EXT1: variants seen among roughly 807,000 people sequenced by gnomAD.
EXT1 encodes exostosin-1.
A neutral mutation model predicts 82.5 loss-of-function variants in EXT1; 20 were observed. That is an observed-to-expected ratio of 0.24 (90% confidence interval 0.17 to 0.35). EXT1 has a LOEUF of 0.35. EXT1 is among the 10% of genes least tolerant of loss of function. The probability of loss-of-function intolerance (pLI) is 1.00; values close to 1 mark genes in which losing one functional copy is unlikely to be tolerated. For missense variants in EXT1, 757 were observed against 936.5 expected, an observed-to-expected ratio of 0.81 and a Z score of 2.50; for synonymous variants, 348 against 350.8, an observed-to-expected ratio of 0.99 and a Z score of 0.09.
chr8:118,053,052 T>C (rs139385511), intron 1 of EXT1, among the ~76,000 whole-genome samples: 58 of 152,318 alleles, frequency 3.8e-4, no homozygotes, highest in African/African-American at 1.1e-3. Context: ...CTCACCATCA[T>C]CAGAGTGGTG....
chr8:118,066,285 A>G (rs1816984744), intron 1 of EXT1, among the ~76,000 whole-genome samples: 2 of 150,982 alleles, frequency 1.3e-5, no homozygotes, highest in Non-Finnish European at 3.0e-5. Context: ...TAGTAAATAT[A>G]TTTTCTCTTC....
At chr8:118,097,885 G>A (rs966715819) in intron 1 of EXT1, among the ~76,000 whole-genome samples, 4 of 152,154 alleles carry the variant, frequency 2.6e-5, no homozygotes, top group Non-Finnish European at 5.9e-5. Context: ...GGTGTTAAAT[G>A]TTCTATATGA....
At chr8:117,837,279 T>C (rs1017638635) in intron 1 of EXT1, 78 bp from the exon 2 acceptor site, 21 of 1,200,736 alleles carry the variant, frequency 1.7e-5, no homozygotes, top group Non-Finnish European at 2.5e-5. Context: ...TGGGCGCCCA[T>C]GTGCATGAAT....
chr8:117,798,755 A>G lies in EXT1; in HGVS notation c.*957T>C, dbSNP rs934177154. The G allele has an allele frequency of 6.6e-6, 1 of 152,220 alleles. No individual in the cohort carries two copies. The highest frequency in any genetic ancestry group is 1.5e-5 in the Non-Finnish European group (1 of 68,044). The allele number at this position is 152,220 out of a possible 1,614,324, so 9.4% of individuals were successfully genotyped here. A position where few individuals can be genotyped will look rare whatever the true frequency, so the allele number is the denominator to read the frequency against. ...AACTTGAGATTCTCACAAACATTAA[A>G]GAGTTCATCTTGTAAATAATCTGTT... On this transcript the variant is annotated 3_prime_UTR_variant, in exon 11 of 11. Transcript: ENST00000378204.
At chr8:117,968,142 G>A (rs757187307) in intron 1 of EXT1, among the ~76,000 whole-genome samples, 24 of 151,974 alleles carry the variant, frequency 1.6e-4, no homozygotes, top group Admixed American at 2.6e-4. Flanking sequence ...GACAGGGTCT[G>A]TCACTCAGAC....
intron 1 of EXT1, among the ~76,000 whole-genome samples, chr8:118,081,344 CT>C (rs1308510112): frequency 1.3e-5 from 2 of 152,172 alleles, no homozygotes; most frequent in Admixed American, 6.5e-5. Context: ...ATTCTGCATA[CT>C]TTTGCAATAA....
intron 1 of EXT1, among the ~76,000 whole-genome samples, chr8:118,072,491 G>A (rs919335264): frequency 6.6e-6 from 1 of 152,176 alleles, no homozygotes; most frequent in Non-Finnish European, 1.5e-5. Flanking sequence ...TACCCTAAGG[G>A]GGGAGACCCT....
At chr8:117,882,980 GAA>G (rs1320976687) in intron 1 of EXT1, among the ~76,000 whole-genome samples, 2 of 65,882 alleles carry the variant, frequency 3.0e-5, no homozygotes, top group African/African-American at 4.8e-5. Flanking sequence ...CTGTCTCAAA[GAA>G]AAAAAAAAAA....
chr8:118,035,480 T>C (rs1208213906), intron 1 of EXT1, among the ~76,000 whole-genome samples: 1 of 152,172 alleles, frequency 6.6e-6, no homozygotes, highest in African/African-American at 2.4e-5. Context: ...TGTCATTTCT[T>C]TCTAATGTAT....
intron 1 of EXT1, among the ~76,000 whole-genome samples, chr8:117,843,485 G>T (rs1812304778): frequency 6.6e-6 from 1 of 152,162 alleles, no homozygotes; most frequent in African/African-American, 2.4e-5. Flanking sequence ...GTAAGAGGAG[G>T]TGATGGGAAT....
intron 1 of EXT1, among the ~76,000 whole-genome samples, chr8:118,070,877 T>C (rs909026243): frequency 6.6e-6 from 1 of 152,174 alleles, no homozygotes; most frequent in Non-Finnish European, 1.5e-5. Flanking sequence ...GAAAAAAGAC[T>C]ACATAAAATA....
intron 1 of EXT1, among the ~76,000 whole-genome samples, chr8:117,935,562 T>A (rs947309336): frequency 6.6e-6 from 1 of 152,026 alleles, no homozygotes; most frequent in Non-Finnish European, 1.5e-5. Flanking sequence ...GATCTCCCTA[T>A]GTTGCCCAGG....
intron 7 of EXT1, among the ~76,000 whole-genome samples, chr8:117,813,733 T>G (rs530813330): frequency 2.6e-4 from 40 of 152,186 alleles, no homozygotes; most frequent in African/African-American, 9.4e-4. Flanking sequence ...AGGCCAGGCG[T>G]GGTGGCTCAT....
At chr8:117,844,489 C>A (rs983394229) in intron 1 of EXT1, among the ~76,000 whole-genome samples, 2 of 152,106 alleles carry the variant, frequency 1.3e-5, no homozygotes. Flanking sequence ...CTGAAGTTTA[C>A]AGCATGCAGT....
At chr8:117,988,143 C>T (rs1815358678) in intron 1 of EXT1, among the ~76,000 whole-genome samples, 1 of 152,190 alleles carries the variant, frequency 6.6e-6, no homozygotes, top group Non-Finnish European at 1.5e-5. Context: ...AGAGCAAATA[C>T]TCTTTGCCTT....
chr8:117,882,980 G>C (rs938725692), intron 1 of EXT1, among the ~76,000 whole-genome samples: 2 of 65,866 alleles, frequency 3.0e-5, no homozygotes, highest in African/African-American at 9.6e-5. Flanking sequence ...CTGTCTCAAA[G>C]AAAAAAAAAA....
At chr8:118,060,562 T>C (rs1335475450) in intron 1 of EXT1, among the ~76,000 whole-genome samples, 1 of 152,160 alleles carries the variant, frequency 6.6e-6, no homozygotes, top group African/African-American at 2.4e-5. Context: ...CCCAGGGGCC[T>C]TAGAGGATCA....
intron 9 of EXT1, among the ~76,000 whole-genome samples, chr8:117,805,274 G>A (rs925003766): frequency 6.6e-6 from 1 of 152,168 alleles, no homozygotes; most frequent in Non-Finnish European, 1.5e-5. Context: ...GGCAAGATAA[G>A]TTATTTACAC....
At chr8:118,034,662 G>A (rs527899576) in intron 1 of EXT1, among the ~76,000 whole-genome samples, 14 of 152,184 alleles carry the variant, frequency 9.2e-5, no homozygotes, top group Admixed American at 3.3e-4. Flanking sequence ...AGTAGCACAC[G>A]ACAGAATTCT....
Sources: gnomAD v4.1 joint callset for allele counts (sites outside exome capture counted in the v4.1 genomes callset) on GRCh38, gnomAD v4.1.1 for gene constraint, MANE v1.5 for transcripts, NCBI Gene and HGNC (gene_info 2026-07-23, HGNC 2026-07-21) for gene names.